The following PLAU variants were observed in gnomAD, a reference collection of about 807,000 sequenced individuals.
PLAU encodes plasminogen activator, urokinase.
Under a neutral mutation model 48.9 loss-of-function variants are expected in PLAU, and 32 were observed. The observed-to-expected ratio is 0.65, with a 90% confidence interval of 0.49 to 0.88. PLAU has a LOEUF of 0.88. PLAU is among the 40% of genes least tolerant of loss of function. The probability of loss-of-function intolerance (pLI) is 0.00; values close to 1 mark genes in which losing one functional copy is unlikely to be tolerated. For synonymous variants in PLAU, 199 were observed against 205.7 expected, an observed-to-expected ratio of 0.97 and a Z score of 0.28; for missense variants, 455 against 545.2, an observed-to-expected ratio of 0.83 and a Z score of 1.65.
In PLAU at chr10:73,913,064, C is replaced by G; in HGVS notation, c.334C>G (p.Leu112Val). 6.2e-7 allele frequency: 1 copy of G among 1,614,054 alleles called. No individual in the cohort carries two copies. Among genetic ancestry groups the G allele is most frequent in the Middle Eastern group, 1.7e-4 (1 of 6,060 alleles). Residue 112 changes from leucine (L) to valine (V), a missense_variant, in exon 5 of 11, where the codon CTT becomes GTT. Coordinates refer to ENST00000372764, the MANE Select transcript of PLAU (RefSeq NM_002658.6). ...QTYHAHRSDA[L>V]QLGLGKHNYC... ...GTACCATGCCCACAGATCTGATGCT[C>G]TTCAGCTGGGCCTGGGGAAACATAA...
chr10:73,911,128 C>T (rs2096122809), upstream of PLAU: 1 of 205,828 alleles, frequency 4.9e-6, no homozygotes, highest in South Asian at 8.9e-5. Context: ...CCGCGGGTCG[C>T]AGCACAGTGC....
At position 73,913,118 on chromosome 10, in the gene PLAU, G is replaced by A; in HGVS notation, c.368+20G>A. 6.2e-7 allele frequency: 1 copy of A among 1,609,434 alleles called. No individual in the cohort carries two copies. Among genetic ancestry groups the A allele is most frequent in the Non-Finnish European group, 8.5e-7 (1 of 1,177,388 alleles). On this transcript the variant is annotated intron_variant, in intron 5 of 10. Coordinates refer to ENST00000372764, the MANE Select transcript of PLAU (RefSeq NM_002658.6). ...CTGCAGGTGAGGTGGGGGCAACAAG[G>A]ACCAAAAGCCCTCCCTACAGCTTCC...
At chr10:73,912,454 AAC>A (rs2096126415) in intron 4 of PLAU, 132 bp downstream of exon 4, 93 of 688,504 alleles carry the variant, frequency 1.4e-4, no homozygotes, top group East Asian at 1.6e-4. Context: ...GACAAGCATA[AAC>A]ACACACACAC....
intron 4 of PLAU, 101 bp downstream of exon 4, chr10:73,912,423 G>T: frequency 1.2e-6 from 1 of 838,556 alleles, no homozygotes; most frequent in South Asian, 1.5e-5. Context: ...GGTAGGGTGG[G>T]TGACATCTTC....
chr10:73,910,606 C>CT (rs2096121933), upstream of PLAU: 2 of 152,260 alleles, frequency 1.3e-5, no homozygotes, highest in African/African-American at 2.4e-5. Flanking sequence ...GGGACTGCCA[C>CT]TGAACAGACG....
In PLAU at chr10:73,913,114, C is replaced by A; in HGVS notation, c.368+16C>A. The A allele has an allele frequency of 1.9e-6, 3 of 1,610,648 alleles. No homozygotes were observed. The highest frequency in any genetic ancestry group is 2.5e-6 in the Non-Finnish European group (3 of 1,178,094). On this transcript the variant is annotated intron_variant, in intron 5 of 10. Transcript: ENST00000372764. Reference sequence around the variant, plus strand: ...ATTACTGCAGGTGAGGTGGGGGCAACAAGGACCAAAAGCCCTCCCTACAGC... The same window carrying A: ...ATTACTGCAGGTGAGGTGGGGGCAAAAAGGACCAAAAGCCCTCCCTACAGC...
intron 7 of PLAU, 90 bp from the exon 8 acceptor site, chr10:73,913,889 GA>G: frequency 7.0e-7 from 1 of 1,434,910 alleles, no homozygotes; most frequent in Non-Finnish European, 9.7e-7. Flanking sequence ...TGGCCTTGGG[GA>G]CAAGTCGTGC....
At chr10:73,912,188 C>G (rs781782139) in intron 3 of PLAU, 27 bp from the exon 4 acceptor site, 4 of 1,614,072 alleles carry the variant, frequency 2.5e-6, no homozygotes, top group East Asian at 2.2e-5. Context: ...CACTCCCCCT[C>G]GCTTACCCCA....
Position 73,916,700 on chromosome 10 carries a change from C to T in PLAU, c.*135C>T. 1.4e-6 allele frequency: 1 copy of T among 736,404 alleles called. No homozygotes were observed. Among genetic ancestry groups the T allele is most frequent in the South Asian group, 1.9e-5 (1 of 53,528 alleles). The allele number at this position is 736,404 out of a possible 1,614,324, so 45.6% of individuals were successfully genotyped here. ...CAGATGGATTTGCCTGTGCCACCCA[C>T]CAGGGCGAACGACAATAGCTTTACC... On this transcript the variant is annotated 3_prime_UTR_variant, in exon 11 of 11. Coordinates refer to ENST00000372764, the MANE Select transcript of PLAU (RefSeq NM_002658.6).
At position 73,913,038 on chromosome 10, in the gene PLAU, C is replaced by T. The variant is rs370278611; in HGVS notation, c.308C>T (p.Thr103Met). 2.3e-5 allele frequency: 37 copies of T among 1,614,046 alleles called. No homozygotes were observed. Among genetic ancestry groups the T allele is most frequent in the African/African-American group, 8.0e-5 (6 of 74,898 alleles). ...AACTCTGCCACTGTCCTTCAGCAAACGTACCATGCCCACAGATCTGATGCT... is the reference window on the plus strand; with the variant it reads ...AACTCTGCCACTGTCCTTCAGCAAATGTACCATGCCCACAGATCTGATGCT... ...PWNSATVLQQ[T>M]YHAHRSDALQ... The change falls in exon 5 of 11, where the codon ACG (threonine) becomes ATG (methionine). Residue 103 changes from threonine to methionine, a missense_variant. By Grantham distance (81) the Thr-to-Met change is moderately conservative. Transcript: ENST00000372764.
At position 73,913,112 on chromosome 10, in the gene PLAU, A is replaced by C. The variant is rs769766918; in HGVS notation, c.368+14A>C. ...TAATTACTGCAGGTGAGGTGGGGGC[A>C]ACAAGGACCAAAAGCCCTCCCTACA... On this transcript the variant is annotated intron_variant, in intron 5 of 10. Coordinates refer to ENST00000372764, the MANE Select transcript of PLAU (RefSeq NM_002658.6). 1.2e-6 allele frequency: 2 copies of C among 1,610,814 alleles called. No homozygotes were observed. Among genetic ancestry groups the C allele is most frequent in the Admixed American group, 3.4e-5 (2 of 59,518 alleles).
At chr10:73,912,372 G>C in intron 4 of PLAU, 50 bp downstream of exon 4, 2 of 497,098 alleles carry the variant, frequency 4.0e-6, no homozygotes, top group Non-Finnish European at 8.0e-6. Context: ...GACAGGGAGG[G>C]ATGGGTGGGA....
intron 4 of PLAU, among the ~76,000 whole-genome samples, 195 bp downstream of exon 4, chr10:73,912,517 C>T (rs2096126612): frequency 6.6e-6 from 1 of 152,170 alleles, no homozygotes; most frequent in South Asian, 2.1e-4. Context: ...GAAGGAGACC[C>T]TGTCCAGTCT....
chr10:73,911,285 T>TC (rs2096123318), intron 1 of PLAU, 67 bp downstream of exon 1: 3 of 527,186 alleles, frequency 5.7e-6, no homozygotes, highest in Non-Finnish European at 1.0e-5. Flanking sequence ...AGCGTCTGCC[T>TC]CCCCCGCCCT....
chr10:73,913,671 G>T lies in PLAU; in HGVS notation c.593G>T (p.Arg198Met). 1 of 1,613,784 alleles carries T rather than the reference G, an allele frequency of 6.2e-7. No homozygotes were observed. Among genetic ancestry groups the T allele is most frequent in the Non-Finnish European group, 8.5e-7 (1 of 1,179,936 alleles). The change falls in exon 7 of 11, where the codon AGG becomes ATG. Residue 198 changes from arginine to methionine, a missense_variant. Arg to Met is a moderately conservative substitution (Grantham distance 91). Transcript: ENST00000372764. ...CAGCCCTGGTTTGCGGCCATCTACA[G>T]GAGGCACCGGGGGGGCTCTGTCACC... ...ENQPWFAAIY[R>M]RHRGGSVTYV... is the part of the protein sequence containing the mutation.
At chr10:73,911,890 C>T (rs1287962349) in intron 2 of PLAU, 151 bp from the exon 3 acceptor site, 1 of 1,565,302 alleles carries the variant, frequency 6.4e-7, no homozygotes, top group Non-Finnish European at 8.7e-7. Context: ...GGCTGGAAAC[C>T]CATGGTCTTC....
At chr10:73,911,721 A>C in intron 2 of PLAU, 109 bp downstream of exon 2, 1 of 1,560,632 alleles carries the variant, frequency 6.4e-7, no homozygotes, top group Non-Finnish European at 8.7e-7. Flanking sequence ...CATCCACAGC[A>C]GGGCCAGACT....
chr10:73,916,085 C>CA (rs1253080587), intron 10 of PLAU, among the ~76,000 whole-genome samples: 9 of 150,456 alleles, frequency 6.0e-5, no homozygotes, highest in Middle Eastern at 3.4e-3. Flanking sequence ...ACTAAAAATG[C>CA]AAAAAAAAAT....
intron 2 of PLAU, 102 bp downstream of exon 2, chr10:73,911,714 C>A (rs1482545626): frequency 1.3e-6 from 2 of 1,565,320 alleles, no homozygotes; most frequent in Non-Finnish European, 8.7e-7. Flanking sequence ...CGGATTCCAT[C>A]CACAGCAGGG....
Sources: allele counts gnomAD v4.1 joint callset (sites outside exome capture counted in the v4.1 genomes callset), GRCh38; gene constraint gnomAD v4.1.1; transcripts MANE v1.5; gene names NCBI Gene and HGNC (gene_info 2026-07-23, HGNC 2026-07-21).